KLHL17: variants seen among roughly 807,000 people sequenced by gnomAD.
KLHL17 encodes kelch like family member 17.
KLHL17 carries 71 observed loss-of-function variants against 64.6 expected under a neutral mutation model. The ratio of observed to expected loss-of-function variants is 1.10; its 90% CI spans 0.91 to 1.34. The LOEUF is 1.34. Among genes scored for constraint, KLHL17 ranks in the 40% most tolerant of loss-of-function variants. The pLI is 0.00. For synonymous variants in KLHL17, 612 were observed against 405.4 expected (o/e 1.51, Z -6.12); for missense variants, 1,140 against 935.0 (o/e 1.22, Z -2.86).
chr1:960,895 C>T, intron 1 of KLHL17, 95 bp downstream of exon 1: 4 of 861,550 alleles, frequency 4.6e-6, no homozygotes, highest in Non-Finnish European at 5.6e-6. Flanking sequence ...GGGCCGCTTC[C>T]GAGGGCCGGG....
Position 961,817 on chromosome 1 carries a change from G to T in KLHL17, c.490-9G>T, listed in dbSNP as rs767554091. On this transcript the variant is annotated splice_polypyrimidine_tract_variant and intron_variant, in intron 3 of 11. Coordinates refer to ENST00000338591, the MANE Select transcript of KLHL17 (RefSeq NM_198317.3). Reference sequence around the variant, plus strand: ...GTGCCTCCCTCACCTGCCTCTCGGTGCCCCGTAGACTCTGCTCCCAGCCGC... The same window carrying T: ...GTGCCTCCCTCACCTGCCTCTCGGTTCCCCGTAGACTCTGCTCCCAGCCGC... The T allele has an allele frequency of 6.2e-7, 1 of 1,610,012 alleles. No individual in the cohort carries two copies. Among genetic ancestry groups the T allele is most frequent in the South Asian group, 1.1e-5 (1 of 91,060 alleles).
rs373377524 is a variant in KLHL17 at position 964,151 on chromosome 1, C to T, written c.1489C>T (p.Leu497=). 7.4e-6 allele frequency: 12 copies of T among 1,612,728 alleles called. No homozygotes were observed. The highest frequency in any genetic ancestry group is 1.7e-5 in the Admixed American group (1 of 60,014). Residue 497 remains leucine, a synonymous_variant, in exon 10 of 12, where the codon CTG becomes TTG. Coordinates refer to ENST00000338591, the MANE Select transcript of KLHL17 (RefSeq NM_198317.3). ...AVGGYDSSSH[L]ATVEKYEPQV... ...GGGCGGCTACGACAGCTCCTCACAC[C>T]TGGCCACTGTGGAGAAGTATGAGCC...
rs1642600817 is a variant in KLHL17 at position 960,762 on chromosome 1, G to A, written c.69G>A (p.Gly23=). 15 of 1,142,936 alleles carry A rather than the reference G, an allele frequency of 1.3e-5. No individual in the cohort carries two copies. The highest frequency in any genetic ancestry group is 1.6e-5 in the Non-Finnish European group (15 of 930,460). The allele number at this position is 1,142,936 out of a possible 1,614,324, so 70.8% of individuals were successfully genotyped here. A position where few individuals can be genotyped will look rare whatever the true frequency, so the allele number is the denominator to read the frequency against. The change falls in exon 1 of 12, where the codon GGG becomes GGA. Residue 23 remains glycine, a synonymous_variant. Transcript: ENST00000338591. ...QSPEHGSPGP[G]PEAPPPPPPQ... ...CGGAGCACGGCAGCCCGGGGCCCGG[G>A]CCCGAGGCGCCGCCGCCTCCACCGC...
intron 4 of KLHL17, 119 bp downstream of exon 4, chr1:962,166 G>C: frequency 1.6e-6 from 2 of 1,274,544 alleles, no homozygotes; most frequent in South Asian, 1.3e-5. Flanking sequence ...AGTGCCTGCT[G>C]TGTGTCCCCG....
chr1:961,477 G>T lies in KLHL17; in HGVS notation c.292G>T (p.Val98Leu). The T allele has an allele frequency of 6.2e-7, 1 of 1,612,480 alleles. No individual in the cohort carries two copies. The highest frequency in any genetic ancestry group is 8.5e-7 in the Non-Finnish European group (1 of 1,179,910). ...RGLLCDIVLH[V>L]AAKEIRAHKV... is the part of the protein sequence containing the mutation. ...CCTCCTGTGCGACATCGTCCTGCAC[G>T]TGGCTGCCAAGGAGATCCGTGCGCA... Residue 98 changes from valine (V) to leucine (L), a missense_variant, in exon 2 of 12, where the codon GTG becomes TTG. Coordinates refer to ENST00000338591, the MANE Select transcript of KLHL17 (RefSeq NM_198317.3).
In KLHL17 at chr1:962,067, G is replaced by C. The variant is rs1569976077; in HGVS notation, c.711+20G>C. 1.2e-6 allele frequency: 2 copies of C among 1,601,194 alleles called. No individual in the cohort carries two copies. The highest frequency in any genetic ancestry group is 8.5e-7 in the Non-Finnish European group (1 of 1,172,972). On this transcript the variant is annotated intron_variant, in intron 4 of 11. Coordinates refer to ENST00000338591, the MANE Select transcript of KLHL17 (RefSeq NM_198317.3). ...AAACAGGTAACAGCTGGCGGGCCCAGCCCTCGCCCCCCACCCCACCCCACC... is the reference window on the plus strand; with the variant it reads ...AAACAGGTAACAGCTGGCGGGCCCACCCCTCGCCCCCCACCCCACCCCACC...
In KLHL17 at chr1:960,791, A is replaced by C. The variant is rs974218458; in HGVS notation, c.98A>C (p.Gln33Pro). 1.9e-6 allele frequency: 2 copies of C among 1,067,376 alleles called. No homozygotes were observed. The highest frequency in any genetic ancestry group is 3.4e-5 in the African/African-American group (2 of 58,652). The allele number at this position is 1,067,376 out of a possible 1,614,324, so 66.1% of individuals were successfully genotyped here. A position where few individuals can be genotyped will look rare whatever the true frequency, so the allele number is the denominator to read the frequency against. The change falls in exon 1 of 12, where the codon CAG (glutamine) becomes CCG (proline). Residue 33 changes from glutamine to proline, a missense_variant. Gln to Pro is a moderately conservative substitution (Grantham distance 76, BLOSUM62 -1). Coordinates refer to ENST00000338591, the MANE Select transcript of KLHL17 (RefSeq NM_198317.3). ...GPEAPPPPPPQPPAPEAERTR... is the reference protein window; with the variant it reads ...GPEAPPPPPPPPPAPEAERTR... ...GAGGCGCCGCCGCCTCCACCGCCGC[A>C]GCCGCCGGCGTGAGTGGGCGGGGGT...
chr1:962,721 G>A lies in KLHL17; in HGVS notation c.846G>A (p.Arg282=), dbSNP rs759826849. 1.1e-5 allele frequency: 17 copies of A among 1,604,612 alleles called. No homozygotes were observed. The highest frequency in any genetic ancestry group is 1.3e-5 in the Non-Finnish European group (15 of 1,177,708). ...QHVPRLMKCV[R]LPLLSRDFLL... ...CACCCCAGCTCATGAAGTGTGTGCG[G>A]CTGCCCTTGCTGAGCCGCGACTTCC... is the stretch of plus-strand genomic sequence containing the variant. Residue 282 remains arginine, a synonymous_variant, in exon 6 of 12, where the codon CGG becomes CGA. Transcript: ENST00000338591.
chr1:965,359 G>A lies in KLHL17; in HGVS notation c.*168G>A. On this transcript the variant is annotated 3_prime_UTR_variant, in exon 12 of 12. Transcript: ENST00000338591. ...TATCTTATTTATTGAGGGGTGAGGA[G>A]TGCCACGGCTGCCCGTTTACACCTT... The A allele has an allele frequency of 1.5e-6, 1 of 648,880 alleles. No individual in the cohort carries two copies. Among genetic ancestry groups the A allele is most frequent in the Non-Finnish European group, 2.6e-6 (1 of 384,428 alleles). 40.2% of individuals were successfully genotyped at this position (648,880 alleles called of 1,614,324 possible).
chr1:964,281 A>G (rs1478980498), intron 10 of KLHL17, 68 bp from the exon 11 acceptor site: 1 of 1,585,312 alleles, frequency 6.3e-7, no homozygotes, highest in Non-Finnish European at 8.6e-7. Flanking sequence ...CCCACCCTGG[A>G]GTCGGGGCTG....
chr1:963,223 C>T lies in KLHL17; in HGVS notation c.1157C>T (p.Ala386Val), dbSNP rs199823418. The T allele has an allele frequency of 1.0e-5, 16 of 1,606,194 alleles. No homozygotes were observed. Among genetic ancestry groups the T allele is most frequent in the Admixed American group, 5.0e-5 (3 of 59,804 alleles). Residue 386 changes from alanine (A) to valine (V), a missense_variant, in exon 7 of 12, where the codon GCG (alanine) becomes GTG (valine). Coordinates refer to ENST00000338591, the MANE Select transcript of KLHL17 (RefSeq NM_198317.3). ...STRRARVGVA[A>V]VGNRLYAVGG... ...CGCCGGGCCCGGGTGGGAGTGGCTG[C>T]GGTGGGGAACCGGCTCTATGCTGTG...
At chr1:960,902 C>CG in intron 1 of KLHL17, 102 bp downstream of exon 1, 3 of 684,600 alleles carry the variant, frequency 4.4e-6, no homozygotes, top group Non-Finnish European at 5.4e-6. Context: ...TTCCGAGGGC[C>CG]GGGGGAGGTC....
chr1:961,713 A>T lies in KLHL17; in HGVS notation c.452A>T (p.Tyr151Phe). 6.2e-7 allele frequency: 1 copy of T among 1,612,326 alleles called. No homozygotes were observed. The highest frequency in any genetic ancestry group is 8.5e-7 in the Non-Finnish European group (1 of 1,179,560). ...TTGGACCAGCTGGTGCAGTTTGCCT[A>T]CACGGCTGAGATTGTGGTGGGCGAG... The part of the protein sequence containing the change: ...QALDQLVQFA[Y>F]TAEIVVGEGN... The change falls in exon 3 of 12, where the codon TAC becomes TTC. Residue 151 changes from tyrosine (Y) to phenylalanine (F), a missense_variant. Physicochemically the swap from Tyr to Phe is conservative, Grantham distance 22. Coordinates refer to ENST00000338591, the MANE Select transcript of KLHL17 (RefSeq NM_198317.3).
In KLHL17 at chr1:961,337, C is replaced by G. The variant is rs771436592; in HGVS notation, c.152C>G (p.Ala51Gly). 139 of 1,558,456 alleles carry G rather than the reference C, an allele frequency of 8.9e-5. No individual in the cohort carries two copies. The highest frequency in any genetic ancestry group is 1.2e-4 in the Non-Finnish European group (137 of 1,156,852). ...CGGCCCCGGCAGGCTCGGCCCGCAGCCCCCATGGAGGGAGCCGTGCAGCTG... is the reference window on the plus strand; with the variant it reads ...CGGCCCCGGCAGGCTCGGCCCGCAGGCCCCATGGAGGGAGCCGTGCAGCTG... ...RTRPRQARPA[A>G]PMEGAVQLLS... Residue 51 changes from alanine (A) to glycine (G), a missense_variant, in exon 2 of 12, where the codon GCC (alanine) becomes GGC (glycine). Coordinates refer to ENST00000338591, the MANE Select transcript of KLHL17 (RefSeq NM_198317.3).
At chr1:963,823 G>A (rs766385085) in intron 8 of KLHL17, 97 bp from the exon 9 acceptor site, 146 of 1,341,816 alleles carry the variant, frequency 1.1e-4, no homozygotes, top group Non-Finnish European at 1.5e-4. Flanking sequence ...TGACTCCTAG[G>A]GTAAGATTTC....
chr1:962,634 G>A (rs1642710469), intron 5 of KLHL17, 70 bp from the exon 6 acceptor site: 2 of 1,529,796 alleles, frequency 1.3e-6, no homozygotes, highest in South Asian at 1.3e-5. Context: ...GGCATCTGGG[G>A]GGTTGTCTCA....
chr1:962,151 T>A, intron 4 of KLHL17, 104 bp downstream of exon 4: 1 of 1,225,310 alleles, frequency 8.2e-7, no homozygotes, highest in South Asian at 1.3e-5. Context: ...CTGCCCACAA[T>A]CCTTAGTGCC....
Position 965,100 on chromosome 1 carries a change from G to A in KLHL17, c.1838G>A (p.Arg613Gln), listed in dbSNP as rs771115760. The A allele has an allele frequency of 1.1e-5, 18 of 1,612,540 alleles. No homozygotes were observed. Among genetic ancestry groups the A allele is most frequent in the Non-Finnish European group, 1.4e-5 (17 of 1,179,900 alleles). ...GTGGCCGCATCCTGCATGTTCACCC[G>A]GCGCAGCAGTGTGGGTGTGGCGGTG... is the stretch of plus-strand genomic sequence containing the variant. ...KWVAASCMFTRRSSVGVAVLE... is the reference protein window; with the variant it reads ...KWVAASCMFTQRSSVGVAVLE... Residue 613 changes from arginine (R) to glutamine (Q), a missense_variant, in exon 12 of 12, where the codon CGG becomes CAG. By Grantham distance (43) the Arg-to-Gln change is conservative (BLOSUM62 1). Transcript: ENST00000338591.
chr1:962,331 A>T, intron 4 of KLHL17, 24 bp from the exon 5 acceptor site: 1 of 1,611,878 alleles, frequency 6.2e-7, no homozygotes. Context: ...CCCAGATCTC[A>T]GGTCTGAGGA....
Sources: allele counts gnomAD v4.1 joint callset, GRCh38; gene constraint gnomAD v4.1.1; transcripts MANE v1.5; gene names NCBI Gene and HGNC (gene_info 2026-07-23, HGNC 2026-07-21).